PLPPR5: variants seen among roughly 807,000 people sequenced by gnomAD.
The protein encoded by PLPPR5 is phospholipid phosphatase related 5.
Under a neutral mutation model 33.9 loss-of-function variants are expected in PLPPR5, and 16 were observed. The observed-to-expected ratio is 0.47, with a 90% CI of 0.32 to 0.72. PLPPR5 has a LOEUF of 0.72. Among genes scored for constraint, PLPPR5 ranks in the 30% least tolerant of loss-of-function variants. The pLI is 0.03. For missense variants in PLPPR5, 301 were observed against 406.7 expected, an observed-to-expected ratio of 0.74 and a Z score of 2.23; for synonymous variants, 163 against 150.3, an observed-to-expected ratio of 1.08 and a Z score of -0.62.
chr1:98,903,101 T>C (rs932374930), intron 5 of PLPPR5, among the ~76,000 whole-genome samples: 6 of 152,270 alleles, frequency 3.9e-5, no homozygotes, highest in Admixed American at 3.3e-4. Flanking sequence ...TGGAAATTTT[T>C]AAGCTTCCAC....
chr1:98,978,599 C>A (rs1651949181), intron 1 of PLPPR5, among the ~76,000 whole-genome samples: 1 of 151,938 alleles, frequency 6.6e-6, no homozygotes, highest in African/African-American at 2.4e-5. Flanking sequence ...TGAAGCCAGG[C>A]AAAACTGGTT....
Position 98,953,073 on chromosome 1 carries a change from C to A in PLPPR5, c.618G>T (p.Leu206=). 6.2e-7 allele frequency: 1 copy of A among 1,613,966 alleles called. No individual in the cohort carries two copies. Among genetic ancestry groups the A allele is most frequent in the South Asian group, 1.1e-5 (1 of 91,030 alleles). The change falls in exon 3 of 6, where the codon CTG becomes CTT. Residue 206 remains leucine (L), a synonymous_variant. Transcript: ENST00000263177. ...CAAATTTATAATCCTTACTTACGGTCAGATACATAGCTGCATAGACACTGA... is the reference window on the plus strand; with the variant it reads ...CAAATTTATAATCCTTACTTACGGTAAGATACATAGCTGCATAGACACTGA... The part of the protein sequence containing the change: ...AALSVYAAMY[L]TMYITNTIKA...
At chr1:99,004,014 C>A (rs1652966047) in intron 1 of PLPPR5, among the ~76,000 whole-genome samples, 1 of 152,222 alleles carries the variant, frequency 6.6e-6, no homozygotes, top group South Asian at 2.1e-4. Context: ...TTGATCCCCT[C>A]TCTCCTCGCC....
At chr1:98,895,277 G>C (rs982349304) in intron 5 of PLPPR5, among the ~76,000 whole-genome samples, 18 of 151,834 alleles carry the variant, frequency 1.2e-4, no homozygotes, top group Admixed American at 1.1e-3. Flanking sequence ...CCCTCTTTTT[G>C]TGCTTCCATT....
intron 3 of PLPPR5, among the ~76,000 whole-genome samples, chr1:98,947,043 C>T (rs778845325): frequency 6.6e-6 from 1 of 152,016 alleles, no homozygotes; most frequent in Non-Finnish European, 1.5e-5. Flanking sequence ...AATAGAAAGT[C>T]CTCTTTTCTT....
intron 1 of PLPPR5, among the ~76,000 whole-genome samples, chr1:98,978,694 G>C (rs1406059239): frequency 1.3e-5 from 2 of 151,992 alleles, no homozygotes; most frequent in African/African-American, 4.8e-5. Flanking sequence ...AATGCAAAAT[G>C]ACAGATCTGT....
intron 3 of PLPPR5, among the ~76,000 whole-genome samples, chr1:98,930,122 C>T (rs755039479): frequency 1.3e-5 from 2 of 152,002 alleles, no homozygotes; most frequent in Non-Finnish European, 2.9e-5. Flanking sequence ...AAAATATGCA[C>T]AAGACATTTG....
chr1:98,900,752 T>G (rs1053650440), intron 5 of PLPPR5, among the ~76,000 whole-genome samples: 32 of 152,274 alleles, frequency 2.1e-4, no homozygotes, highest in Non-Finnish European at 4.4e-4. Context: ...ATGGACCAAG[T>G]GCATGATAAA....
intron 1 of PLPPR5, among the ~76,000 whole-genome samples, chr1:98,983,278 C>T (rs1362448129): frequency 7.5e-6 from 1 of 133,286 alleles, no homozygotes; most frequent in Non-Finnish European, 1.6e-5. Context: ...TGATATTCCC[C>T]TTCCTGTGTC....
rs755690184 is a variant in PLPPR5, at chr1:98,911,753, C to CTT, written c.933+3031_933+3032dup. Among the ~76,000 whole-genome samples the CTT allele has an allele frequency of 7.6e-5, 11 of 145,084 alleles. No individual in the cohort carries two copies. The East Asian group carries it at 2.2e-3, about 29-fold the overall frequency. On this transcript the variant is annotated intron_variant, in intron 5 of 5. Coordinates refer to ENST00000263177, the MANE Select transcript of PLPPR5 (RefSeq NM_001037317.2). ...AGATCTCTTCCTATATTTCACAACC[C>CTT]TTTTTTTTTTTAGAGATGGGGTCAG...
chr1:98,971,845 C>T (rs1348289202), intron 1 of PLPPR5, among the ~76,000 whole-genome samples: 1 of 152,008 alleles, frequency 6.6e-6, no homozygotes, highest in African/African-American at 2.4e-5. Flanking sequence ...CTTTCTGACC[C>T]CTTCATTGTG....
intron 3 of PLPPR5, among the ~76,000 whole-genome samples, chr1:98,939,667 C>A (rs1395654614): frequency 6.6e-6 from 1 of 151,988 alleles, no homozygotes; most frequent in Admixed American, 6.6e-5. Flanking sequence ...AACATCCCCA[C>A]CACTGGCAGC....
chr1:98,943,121 AC>A (rs1245990997), intron 3 of PLPPR5, among the ~76,000 whole-genome samples: 2 of 152,150 alleles, frequency 1.3e-5, no homozygotes, highest in Non-Finnish European at 2.9e-5. Context: ...GGCAAAATAG[AC>A]GGGGAGCCAC....
intron 1 of PLPPR5, among the ~76,000 whole-genome samples, chr1:98,981,862 A>G (rs1220551808): frequency 1.3e-5 from 2 of 152,114 alleles, no homozygotes; most frequent in Non-Finnish European, 2.9e-5. Context: ...GTATCTATAA[A>G]CAACAAAATC....
intron 1 of PLPPR5, among the ~76,000 whole-genome samples, chr1:98,987,499 T>C (rs1453019232): frequency 1.3e-5 from 2 of 151,912 alleles, no homozygotes; most frequent in Non-Finnish European, 2.9e-5. Context: ...CATAGTGAAC[T>C]CAAATCAGAT....
intron 3 of PLPPR5, among the ~76,000 whole-genome samples, chr1:98,950,752 T>C (rs752786923): frequency 6.6e-6 from 1 of 152,186 alleles, no homozygotes; most frequent in Non-Finnish European, 1.5e-5. Flanking sequence ...TGAGTGATCA[T>C]AGCTCACTGT....
At chr1:98,971,020 C>G (rs1461652135) in intron 1 of PLPPR5, among the ~76,000 whole-genome samples, 1 of 152,048 alleles carries the variant, frequency 6.6e-6, no homozygotes, top group Non-Finnish European at 1.5e-5. Context: ...ATAAGATGCT[C>G]TAATAAACAG....
At chr1:98,965,662 G>C (rs904569533) in intron 1 of PLPPR5, among the ~76,000 whole-genome samples, 22 of 152,122 alleles carry the variant, frequency 1.4e-4, no homozygotes, top group African/African-American at 5.1e-4. Context: ...TACAGTCCTT[G>C]ATGACAAAAT....
intron 1 of PLPPR5, among the ~76,000 whole-genome samples, chr1:98,972,091 A>G (rs1262984721): frequency 6.6e-6 from 1 of 152,058 alleles, no homozygotes; most frequent in African/African-American, 2.4e-5. Flanking sequence ...CCTCAATGAG[A>G]AGAAAGAATT....
Sources: gnomAD v4.1 joint callset for allele counts (sites outside exome capture counted in the v4.1 genomes callset) on GRCh38, gnomAD v4.1.1 for gene constraint, MANE v1.5 for transcripts, NCBI Gene and HGNC (gene_info 2026-07-23, HGNC 2026-07-21) for gene names.